Variants in TRPM4 observed in about 807,000 individuals in gnomAD.
The protein encoded by TRPM4 is calcium-activated non-selective cation channel 1.
In TRPM4, 124 loss-of-function variants were observed where a neutral mutation model predicts 135.6. The observed-to-expected ratio is 0.91, with a 90% CI of 0.79 to 1.06. The LOEUF is 1.06. Among genes scored for constraint, TRPM4 ranks in the 50% least tolerant of loss-of-function variants. TRPM4 has a pLI of 0.00. For missense variants in TRPM4, 1,658 were observed against 1,671.4 expected (o/e 0.99, Z 0.14); for synonymous variants, 745 against 705.6 (o/e 1.06, Z -0.88).
At chr19:49,163,747 G>C (rs1228393539) in intron 2 of TRPM4, among the ~76,000 whole-genome samples, 2 of 152,282 alleles carry the variant, frequency 1.3e-5, no homozygotes, top group East Asian at 1.9e-4. Context: ...CTTCTGCCTT[G>C]ACCTCCCAAA....
In TRPM4 at chr19:49,189,063, GTGCCTTC is replaced by G. The variant is rs751139020; in HGVS notation, c.1993_1999del (p.Ala665LeufsTer10). On this transcript the variant is annotated frameshift_variant, in exon 14 of 25. Transcript: ENST00000252826. LOFTEE classifies it high-confidence loss of function. ...CAGCTGGCCATGCAAGCTGACGCCC[GTGCCTTC>G]TTTGCCCAGGATGGGGTACAGGTGA... 3 of 1,614,048 alleles carry G rather than the reference GTGCCTTC, an allele frequency of 1.9e-6. No homozygotes were observed. Among genetic ancestry groups the G allele is most frequent in the Non-Finnish European group, 2.5e-6 (3 of 1,180,030 alleles).
intron 9 of TRPM4, among the ~76,000 whole-genome samples, chr19:49,176,765 C>T (rs1314503274): frequency 2.0e-5 from 3 of 152,132 alleles, no homozygotes; most frequent in South Asian, 2.1e-4. Flanking sequence ...GCAGGAGAAT[C>T]GCTTGAACCC....
chr19:49,195,683 ATT>A (rs1293818542), intron 16 of TRPM4, among the ~76,000 whole-genome samples: 118 of 127,106 alleles, frequency 9.3e-4, no homozygotes, highest in African/African-American at 3.1e-3. Flanking sequence ...TTCTACTTTA[ATT>A]TTTTTTTTTT....
Position 49,171,120 on chromosome 19 carries a change from A to C in TRPM4, c.797-237A>C, listed in dbSNP as rs764928924. Among the ~76,000 whole-genome samples, 5 of 152,186 alleles carry C rather than the reference A, an allele frequency of 3.3e-5. No individual in the cohort carries two copies. Among genetic ancestry groups the C allele is most frequent in the Non-Finnish European group, 5.9e-5 (4 of 68,028 alleles). On this transcript the variant is annotated intron_variant, in intron 6 of 24. Transcript: ENST00000252826. This position sits in a 1 kb window ranked among gnomAD's most constrained non-coding sequence, Gnocchi z 4.7. The stretch of plus-strand genomic sequence containing the variant: ...ATAATCCCAGCACTTTGGGAGTCCA[A>C]GTTGGGAGGATTGCTTGAGGCCAGG...
chr19:49,197,364 C>CTTTCTCTCTCTT (rs1305134354), intron 17 of TRPM4, among the ~76,000 whole-genome samples: 27 of 72,662 alleles, frequency 3.7e-4, no homozygotes, highest in Middle Eastern at 6.5e-3. Context: ...TTCTTTCTTT[C>CTTTCTCTCTCTT]TCTCTCTTTC....
At chr19:49,190,919 T>C in intron 16 of TRPM4, 146 bp downstream of exon 16, 1 of 662,586 alleles carries the variant, frequency 1.5e-6, no homozygotes, top group African/African-American at 1.8e-5. Context: ...AAAAGAGGTT[T>C]CATTGGCTCA....
In TRPM4 at chr19:49,189,116, C is replaced by G. The variant is rs1175791; in HGVS notation, c.2019+25C>G. ...GGTGAGTATCTGCGACACCAACATC[C>G]CAAACAGTCTCCAAGTGGACTCTGG... On this transcript the variant is annotated intron_variant, in intron 14 of 24. Transcript: ENST00000252826. 523,125 of 1,613,270 alleles carry G rather than the reference C, an allele frequency of 0.32. 86,878 individuals carry two copies. Among genetic ancestry groups the G allele is most frequent in the African/African-American group, 0.45 (33,364 of 74,880 alleles).
chr19:49,194,564 C>CTCCT (rs756838228), intron 16 of TRPM4, among the ~76,000 whole-genome samples: 2 of 150,062 alleles, frequency 1.3e-5, no homozygotes, highest in African/African-American at 2.5e-5. Flanking sequence ...TCCTTCCTTC[C>CTCCT]TCCTTCCTTC....
intron 17 of TRPM4, 130 bp downstream of exon 17, chr19:49,197,004 C>A (rs552716135): frequency 1.8e-5 from 16 of 891,198 alleles, no homozygotes; most frequent in Non-Finnish European, 2.5e-5. Context: ...TGATTGAGAA[C>A]CCCTCTTAGG....
intron 13 of TRPM4, 30 bp from the exon 14 acceptor site, chr19:49,188,916 C>T (rs1435369903): frequency 1.9e-6 from 3 of 1,613,996 alleles, no homozygotes; most frequent in Non-Finnish European, 2.5e-6. Context: ...CCTTCCCATC[C>T]CTGTCACATA....
At chr19:49,166,326 G>C in intron 3 of TRPM4, 111 bp downstream of exon 3, 2 of 1,184,250 alleles carry the variant, frequency 1.7e-6, no homozygotes, top group Non-Finnish European at 2.3e-6. Flanking sequence ...GCCCATCCCT[G>C]TCTTGGCTCT....
In TRPM4 at chr19:49,211,213, G is replaced by A. The variant is rs1295618759; in HGVS notation, c.3584G>A (p.Arg1195His). 6.3e-7 allele frequency: 1 copy of A among 1,598,280 alleles called. No homozygotes were observed. The highest frequency in any genetic ancestry group is 8.5e-7 in the Non-Finnish European group (1 of 1,173,100). Reference sequence around the variant, plus strand: ...GGGTGGGTGGCCGAGGCCCTGAGCCGCTCTGCCTTGCTGCCCCCAGGTGGG... The same window carrying A: ...GGGTGGGTGGCCGAGGCCCTGAGCCACTCTGCCTTGCTGCCCCCAGGTGGG... ...VLGWVAEALS[R>H]SALLPPGGPP... Residue 1195 changes from arginine (R) to histidine (H), a missense_variant, in exon 24 of 25, where the codon CGC becomes CAC. Physicochemically the swap from Arg to His is conservative, Grantham distance 29. Around this residue, in one of 3 missense-constraint regions of TRPM4, gnomAD observed 1,412 missense variants for 1,408.7 expected, o/e 1.00. Transcript: ENST00000252826. This position sits in a 1 kb window ranked among gnomAD's most constrained non-coding sequence, Gnocchi z 4.8.
intron 3 of TRPM4, among the ~76,000 whole-genome samples, chr19:49,166,992 C>A (rs1967218065): frequency 1.3e-5 from 2 of 150,722 alleles, no homozygotes; most frequent in Middle Eastern, 3.5e-3. Context: ...CTCTCTGGGT[C>A]TCTGTCCCTG....
Position 49,210,329 on chromosome 19 carries a change from C to A in TRPM4, c.3252C>A (p.His1084Gln). ...ALAPPFIVIS[H>Q]LRLLLRQLCR... is the part of the protein sequence containing the mutation. ...CCCCGCCCTTTATCGTCATCTCCCA[C>A]TTGCGCCTCCTGCTCAGGCAATTGT... Residue 1084 changes from histidine (H) to glutamine (Q), a missense_variant, in exon 21 of 25, where the codon CAC becomes CAA. His to Gln is a conservative substitution (Grantham distance 24, BLOSUM62 0). Around this residue, in one of 3 missense-constraint regions of TRPM4, gnomAD observed 1,412 missense variants for 1,408.7 expected, o/e 1.00. Coordinates refer to ENST00000252826, the MANE Select transcript of TRPM4 (RefSeq NM_017636.4). This position sits in a 1 kb window ranked among gnomAD's most constrained non-coding sequence, Gnocchi z 4.1. 1 of 1,614,246 alleles carries A rather than the reference C, an allele frequency of 6.2e-7. No individual in the cohort carries two copies. Among genetic ancestry groups the A allele is most frequent in the Non-Finnish European group, 8.5e-7 (1 of 1,180,050 alleles).
At chr19:49,194,343 C>T (rs987568405) in intron 16 of TRPM4, among the ~76,000 whole-genome samples, 2 of 152,150 alleles carry the variant, frequency 1.3e-5, no homozygotes, top group African/African-American at 2.4e-5. Context: ...CACCCTCAAC[C>T]TCCCAGGCTA....
intron 20 of TRPM4, among the ~76,000 whole-genome samples, chr19:49,206,382 G>C (rs1357775864): frequency 6.6e-6 from 1 of 151,728 alleles, no homozygotes; most frequent in South Asian, 2.1e-4. Flanking sequence ...TGAACTTAAA[G>C]ATCAGAGTTT....
rs1331665287 is a variant in TRPM4 at position 49,176,120 on chromosome 19, C to T, written c.1150+4012C>T. Among the ~76,000 whole-genome samples the T allele has an allele frequency of 2.7e-5, 4 of 150,228 alleles. No homozygotes were observed. In the Admixed American group the frequency reaches 2.7e-4, roughly 10 times the overall value. ...TGTATTTTTAGTACAGACAGGGTTTCGCCATGTTGGCCAGGCTGGTTTTGA... is the reference window on the plus strand; with the variant it reads ...TGTATTTTTAGTACAGACAGGGTTTTGCCATGTTGGCCAGGCTGGTTTTGA... On this transcript the variant is annotated intron_variant, in intron 9 of 24. Coordinates refer to ENST00000252826, the MANE Select transcript of TRPM4 (RefSeq NM_017636.4).
In TRPM4 at chr19:49,184,701, G is replaced by A. The variant is rs374932731; in HGVS notation, c.1743+1489G>A. On this transcript the variant is annotated intron_variant, in intron 12 of 24. Coordinates refer to ENST00000252826, the MANE Select transcript of TRPM4 (RefSeq NM_017636.4). ...TCACTGTGTTAGCCAGGATGGTTGC[G>A]ATCTCCTGACCTCGTGATCTGCCCT... Among the ~76,000 whole-genome samples the A allele has an allele frequency of 3.8e-4, 58 of 151,340 alleles. No individual in the cohort carries two copies. The South Asian group carries it at 0.011, about 30-fold the overall frequency.
rs746763684 is a variant in TRPM4 at position 49,195,869 on chromosome 19, T to TTTATTATTATTATTA, written c.2211-562_2211-548dup. Among the ~76,000 whole-genome samples, 1,306 of 148,812 alleles carry TTTATTATTATTATTA rather than the reference T, an allele frequency of 8.8e-3. 11 individuals carry two copies. Among genetic ancestry groups the TTTATTATTATTATTA allele is most frequent in the African/African-American group, 0.03 (1,192 of 40,306 alleles). On this transcript the variant is annotated intron_variant, in intron 16 of 24. Coordinates refer to ENST00000252826, the MANE Select transcript of TRPM4 (RefSeq NM_017636.4). ...TGGCTAAATTTTTATTTTTATTTAT[T>TTTATTATTATTATTA]TTATTATTATTATTATTATTATTTT...
Sources: gnomAD v4.1 joint callset for allele counts (sites outside exome capture counted in the v4.1 genomes callset) on GRCh38, gnomAD v4.1.1 for gene constraint, gnomAD v4.1.1 regional missense constraint, Gnocchi (gnomAD v3.1) non-coding constraint, MANE v1.5 for transcripts, NCBI Gene and HGNC (gene_info 2026-07-23, HGNC 2026-07-21) for gene names.